The following PIGN variants were observed in gnomAD, a reference collection of about 807,000 sequenced individuals.
The protein encoded by PIGN is GPI ethanolamine phosphate transferase 1.
A neutral mutation model predicts 125.4 loss-of-function variants in PIGN; 117 were observed. The ratio of observed to expected loss-of-function variants is 0.93; its 90% confidence interval spans 0.80 to 1.09. The LOEUF is 1.09. Among genes scored for constraint, PIGN ranks in the 50% least tolerant of loss-of-function variants. The pLI is 0.00. For synonymous variants in PIGN, 392 were observed against 377.8 expected (o/e 1.04, Z -0.44); for missense variants, 1,075 against 1,094.9 (o/e 0.98, Z 0.26).
In PIGN at chr18:62,125,125, A is replaced by AATATACGTTTGTACATACATGTAT. The variant is rs1568202839; in HGVS notation, c.1173-10487_1173-10486insATACATGTATGTACAAACGTATAT. ...ACACGTTTGTACATATGTGTATATA[A>AATATACGTTTGTACATACATGTAT]ATATACACGTTTGTACATATGTGTA... On this transcript the variant is annotated intron_variant, in intron 14 of 30. Transcript: ENST00000640252. 9.6e-5 allele frequency among the ~76,000 whole-genome samples: 9 copies of AATATACGTTTGTACATACATGTAT among 93,472 alleles called. 1 individual carries two copies. Among genetic ancestry groups the AATATACGTTTGTACATACATGTAT allele is most frequent in the African/African-American group, 3.1e-4 (9 of 29,094 alleles). The allele number at this position is 93,472 out of a possible 152,430, so 61.3% of individuals were successfully genotyped here.
chr18:62,145,252 C>T (rs1399459101), intron 10 of PIGN, among the ~76,000 whole-genome samples: 2 of 152,144 alleles, frequency 1.3e-5, no homozygotes, highest in Admixed American at 6.5e-5. Flanking sequence ...ATAATCATGG[C>T]AGTGTACTGG....
At chr18:62,125,466 T>A (rs72941856) in intron 14 of PIGN, among the ~76,000 whole-genome samples, 25,701 of 152,042 alleles carry the variant, frequency 0.17, 2,931 homozygotes, top group Middle Eastern at 0.29. Flanking sequence ...TCCATTTTTT[T>A]GATTATAAGC....
At chr18:62,070,556 T>C (rs1273236849) in intron 30 of PIGN, 3 of 397,702 alleles carry the variant, frequency 7.5e-6, no homozygotes, top group East Asian at 3.6e-5. Flanking sequence ...TGGTGTCTCC[T>C]GCAAACCCAT....
At chr18:62,021,670 G>T (rs756028611) in intron 23 of PIGN, among the ~76,000 whole-genome samples, 1 of 152,204 alleles carries the variant, frequency 6.6e-6, no homozygotes, top group Non-Finnish European at 1.5e-5. Flanking sequence ...CTAAGTCAAC[G>T]TTTTATTGGC....
At chr18:62,138,886 G>C in intron 13 of PIGN, 97 bp downstream of exon 13, 1 of 658,026 alleles carries the variant, frequency 1.5e-6, no homozygotes, top group Non-Finnish European at 2.5e-6. Flanking sequence ...CAGGGAAATA[G>C]TTAAAAACAA....
intron 6 of PIGN, among the ~76,000 whole-genome samples, chr18:62,155,731 A>G (rs2036705707): frequency 7.7e-6 from 1 of 130,368 alleles, no homozygotes; most frequent in Non-Finnish European, 1.7e-5. Context: ...GATATGGAAC[A>G]TTAGACTATC....
At chr18:62,077,248 C>T (rs997174363) in intron 28 of PIGN, among the ~76,000 whole-genome samples, 20 of 151,978 alleles carry the variant, frequency 1.3e-4, no homozygotes, top group Admixed American at 4.6e-4. Flanking sequence ...TGTGGTGGCA[C>T]ATGCCTGTAA....
chr18:62,020,239 A>C (rs569998701), intron 23 of PIGN, among the ~76,000 whole-genome samples: 1 of 152,358 alleles, frequency 6.6e-6, no homozygotes, highest in East Asian at 1.9e-4. Flanking sequence ...GATCTACCTA[A>C]CAGGGCTTTA....
chr18:62,174,444 T>C (rs1172084060), intron 1 of PIGN: 1 of 152,148 alleles, frequency 6.6e-6, no homozygotes, highest in Non-Finnish European at 1.5e-5. Flanking sequence ...TATGAAGAAA[T>C]GGCATATTAT....
Position 62,045,696 on chromosome 18 carries a change from T to G in PIGN, c.*160A>C. The G allele has an allele frequency of 1.7e-6, 1 of 601,580 alleles. No individual in the cohort carries two copies. Among genetic ancestry groups the G allele is most frequent in the Middle Eastern group, 3.5e-4 (1 of 2,856 alleles). 37.3% of individuals were successfully genotyped at this position (601,580 alleles called of 1,614,324 possible). A position where few individuals can be genotyped will look rare whatever the true frequency, so the allele number is the denominator to read the frequency against. Reference sequence around the variant, plus strand: ...AACCTAGAAAAAAAAAGAAGCTCCTTTGTTCCAGATAACCTGTCAATTCGG... The same window carrying G: ...AACCTAGAAAAAAAAAGAAGCTCCTGTGTTCCAGATAACCTGTCAATTCGG... On this transcript the variant is annotated 3_prime_UTR_variant, in exon 31 of 31. Transcript: ENST00000640252.
intron 30 of PIGN, among the ~76,000 whole-genome samples, chr18:62,055,089 G>A (rs754086272): frequency 2.1e-4 from 32 of 152,256 alleles, no homozygotes; most frequent in Non-Finnish European, 4.0e-4. Flanking sequence ...ACAGTCTCTG[G>A]TACAACCACT....
chr18:62,026,106 T>C lies in PIGN; in HGVS notation c.2143-8365A>G, dbSNP rs1337102209. 2.0e-5 allele frequency among the ~76,000 whole-genome samples: 3 copies of C among 152,198 alleles called. No individual in the cohort carries two copies. The East Asian group carries it at 5.8e-4, about 29-fold the overall frequency. ...TATCACTCACATTGTGATAGCTCAG[T>C]TATTCCTTTATAAATCCCGTTCATT... On this transcript the variant is annotated intron_variant, in intron 23 of 24. Transcript: ENST00000639600.
chr18:62,136,957 G>C (rs2034065538), intron 14 of PIGN: 1 of 394,872 alleles, frequency 2.5e-6, no homozygotes, highest in Non-Finnish European at 4.5e-6. Flanking sequence ...TACTGTGATG[G>C]TTAATATTGA....
intron 30 of PIGN, among the ~76,000 whole-genome samples, chr18:62,051,309 T>G (rs1438346552): frequency 6.6e-6 from 1 of 152,224 alleles, no homozygotes; most frequent in Non-Finnish European, 1.5e-5. Flanking sequence ...TGGTAGAATT[T>G]GGCTGTGAAT....
intron 30 of PIGN, among the ~76,000 whole-genome samples, chr18:62,071,868 A>ATATATATATATATATATG (rs2032878980): frequency 2.9e-4 from 2 of 6,900 alleles, no homozygotes; most frequent in African/African-American, 1.4e-3. Context: ...TTTTCCATAT[A>ATATATATATATATATATG]TATATATATA....
intron 1 of PIGN, among the ~76,000 whole-genome samples, chr18:62,169,355 C>T (rs1023367907): frequency 6.6e-6 from 1 of 152,190 alleles, no homozygotes; most frequent in Non-Finnish European, 1.5e-5. Context: ...CTCATGTTAA[C>T]AGACACTTGT....
chr18:62,036,056 C>A (rs528381854), intron 23 of PIGN, among the ~76,000 whole-genome samples: 2 of 152,236 alleles, frequency 1.3e-5, no homozygotes, highest in South Asian at 4.1e-4. Flanking sequence ...CAGCAGCATG[C>A]CTACATTTCA....
chr18:62,146,983 T>C lies in PIGN; in HGVS notation c.793A>G (p.Met265Val), dbSNP rs2036354649. Residue 265 changes from methionine (M) to valine (V), a missense_variant, in exon 9 of 31, where the codon ATG (methionine) becomes GTG (valine). This residue lies in a region of PIGN where 915 missense variants were observed against 908.7 expected (regional missense o/e 1.01). Transcript: ENST00000640252. ...AAGACACACTAACCCCAGTCTGTCA[T>C]TCCATGGTCAGAGGTAAAGATAAAT... The part of the protein sequence containing the change: ...TTFIFTSDHG[M>V]TDWGSHGAGH... The C allele has an allele frequency of 6.2e-7, 1 of 1,611,790 alleles. No individual in the cohort carries two copies. Among genetic ancestry groups the C allele is most frequent in the Non-Finnish European group, 8.5e-7 (1 of 1,178,420 alleles).
Position 62,156,071 on chromosome 18 carries a change from T to C in PIGN, c.442+1058A>G, listed in dbSNP as rs188461093. 2.0e-3 allele frequency among the ~76,000 whole-genome samples: 310 copies of C among 152,328 alleles called. 2 individuals carry two copies. The highest frequency in any genetic ancestry group is 7.0e-3 in the African/African-American group (292 of 41,574). On this transcript the variant is annotated intron_variant, in intron 6 of 30. Coordinates refer to ENST00000640252, the MANE Select transcript of PIGN (RefSeq NM_176787.5). ...TTTCTGATAAGTGAAATGATCAATC[T>C]TTCTGCTCCCACTTAAAAGCATTTA...
Sources: allele counts gnomAD v4.1 joint callset (sites outside exome capture counted in the v4.1 genomes callset), GRCh38; gene constraint gnomAD v4.1.1; regional missense constraint gnomAD v4.1.1; transcripts MANE v1.5; gene names NCBI Gene and HGNC (gene_info 2026-07-23, HGNC 2026-07-21).